Variants in KIF1B observed in about 807,000 individuals in gnomAD.
The protein encoded by KIF1B is kinesin-like protein KIF1B.
In KIF1B, 76 loss-of-function variants were observed where a neutral mutation model predicts 241.9. The observed-to-expected ratio is 0.31, with a 90% CI of 0.26 to 0.38. The LOEUF (loss-of-function observed/expected upper bound fraction) is 0.38, where lower values mean the gene tolerates loss of function less well. Ranked by LOEUF, KIF1B falls within the 10% of genes least tolerant of loss-of-function variation. The pLI, the probability that KIF1B is intolerant of heterozygous loss-of-function variation, is 1.00. For synonymous variants in KIF1B, 750 were observed against 796.7 expected, an observed-to-expected ratio of 0.94 and a Z score of 0.99; for missense variants, 1,622 against 2,271.4, an observed-to-expected ratio of 0.71 and a Z score of 5.81.
At chr1:10,333,652 A>C (rs978300463) in intron 27 of KIF1B, among the ~76,000 whole-genome samples, 1 of 151,998 alleles carries the variant, frequency 6.6e-6, no homozygotes, top group African/African-American at 2.4e-5. Flanking sequence ...AGACTGCACC[A>C]CTGCATTCCA....
At chr1:10,240,569 G>A (rs1386860683) in intron 2 of KIF1B, among the ~76,000 whole-genome samples, 2 of 152,142 alleles carry the variant, frequency 1.3e-5, no homozygotes, top group Non-Finnish European at 2.9e-5. Flanking sequence ...TCAGAGTGCA[G>A]AAAGGGGATT....
chr1:10,258,452 A>G (rs745480676), intron 3 of KIF1B, 41 bp from the exon 4 acceptor site: 2 of 1,590,896 alleles, frequency 1.3e-6, no homozygotes, highest in South Asian at 1.1e-5. Flanking sequence ...AGGAAGAAAT[A>G]TTAATAAAAG....
At chr1:10,259,513 T>G (rs1045018571) in intron 4 of KIF1B, among the ~76,000 whole-genome samples, 1 of 150,384 alleles carries the variant, frequency 6.6e-6, no homozygotes, top group Non-Finnish European at 1.5e-5. Context: ...AAATTTTTTT[T>G]TTTTTTTGAG....
chr1:10,312,096 TG>T (rs1171170594), intron 22 of KIF1B, among the ~76,000 whole-genome samples: 1 of 148,448 alleles, frequency 6.7e-6, no homozygotes, highest in African/African-American at 2.5e-5. Context: ...CTCTCCAGCC[TG>T]GGCCCCTACC....
chr1:10,320,017 A>G (rs1034588285), intron 22 of KIF1B, 26 bp from the exon 23 acceptor site: 38 of 1,499,496 alleles, frequency 2.5e-5, no homozygotes, highest in Non-Finnish European at 3.5e-5. Context: ...CCTCTCCTAC[A>G]TGTTATCTCC....
At chr1:10,279,209 A>G in intron 14 of KIF1B, 71 bp downstream of exon 14, 1 of 1,031,738 alleles carries the variant, frequency 9.7e-7, no homozygotes, top group Non-Finnish European at 1.5e-6. Flanking sequence ...ATCAGCCTTA[A>G]AATAAGCTTT....
intron 37 of KIF1B, among the ~76,000 whole-genome samples, chr1:10,349,104 A>C (rs1356852901): frequency 2.6e-5 from 4 of 152,146 alleles, no homozygotes; most frequent in Non-Finnish European, 2.9e-5. Flanking sequence ...CTCAGTTACC[A>C]GGGAATGGTT....
intron 2 of KIF1B, among the ~76,000 whole-genome samples, chr1:10,232,791 A>G (rs1353567649): frequency 1.3e-5 from 2 of 152,324 alleles, no homozygotes; most frequent in East Asian, 1.9e-4. Flanking sequence ...TTTTCTTTCT[A>G]GATTTTAAAT....
chr1:10,361,182 A>G, intron 39 of KIF1B, 139 bp downstream of exon 39: 1 of 712,842 alleles, frequency 1.4e-6, no homozygotes, highest in African/African-American at 1.7e-5. Context: ...TCATTTTATT[A>G]TACATTGCTA....
chr1:10,273,784 A>G (rs898876308), intron 10 of KIF1B, among the ~76,000 whole-genome samples: 1 of 148,696 alleles, frequency 6.7e-6, no homozygotes, highest in South Asian at 2.2e-4. Flanking sequence ...CCAGCCATGT[A>G]GTACCCTTTT....
chr1:10,219,853 C>T (rs61775875), intron 1 of KIF1B, among the ~76,000 whole-genome samples: 38 of 152,086 alleles, frequency 2.5e-4, no homozygotes, highest in African/African-American at 6.7e-4. Context: ...GGATTGCTTG[C>T]GCCCAATAGT....
At chr1:10,290,094 C>G (rs1048296870) in intron 15 of KIF1B, among the ~76,000 whole-genome samples, 3 of 151,902 alleles carry the variant, frequency 2.0e-5, no homozygotes, top group Non-Finnish European at 1.5e-5. Context: ...ATACAGTAAC[C>G]TCCTTGAGAG....
intron 2 of KIF1B, among the ~76,000 whole-genome samples, chr1:10,233,574 A>G (rs1479108315): frequency 2.0e-5 from 3 of 152,182 alleles, no homozygotes; most frequent in Non-Finnish European, 2.9e-5. Context: ...TCACTCTTCT[A>G]TGTCAACATT....
At chr1:10,367,576 C>T (rs1638611010) in intron 43 of KIF1B, among the ~76,000 whole-genome samples, 1 of 150,388 alleles carries the variant, frequency 6.6e-6, no homozygotes, top group African/African-American at 2.4e-5. Flanking sequence ...GCTCTGTGGC[C>T]CACGCTGGAG....
chr1:10,317,699 C>T (rs867793894), intron 22 of KIF1B, among the ~76,000 whole-genome samples: 2 of 151,008 alleles, frequency 1.3e-5, no homozygotes, highest in Non-Finnish European at 2.9e-5. Flanking sequence ...GGCACGGTGG[C>T]GTGCACCTGT....
intron 7 of KIF1B, among the ~76,000 whole-genome samples, chr1:10,269,098 T>C (rs1648637073): frequency 6.6e-6 from 1 of 152,210 alleles, no homozygotes; most frequent in African/African-American, 2.4e-5. Context: ...AGGTTTATTG[T>C]ACTGGCAATT....
chr1:10,310,997 G>T (rs1176963398), intron 22 of KIF1B, among the ~76,000 whole-genome samples: 1 of 151,356 alleles, frequency 6.6e-6, no homozygotes. Context: ...CCTGTACTGG[G>T]CTTTCCCTCC....
intron 2 of KIF1B, among the ~76,000 whole-genome samples, chr1:10,253,645 G>A (rs72865926): frequency 0.072 from 10,796 of 150,610 alleles, 452 homozygotes; most frequent in Middle Eastern, 0.13. Flanking sequence ...CCTGTCTCAG[G>A]AAAAAAAAAG....
intron 2 of KIF1B, among the ~76,000 whole-genome samples, chr1:10,233,588 A>T (rs889241159): frequency 6.6e-6 from 1 of 152,200 alleles, no homozygotes; most frequent in Admixed American, 6.5e-5. Flanking sequence ...CAACATTGCC[A>T]ACAGTTCTGT....
Sources: gnomAD v4.1 joint callset for allele counts (sites outside exome capture counted in the v4.1 genomes callset) on GRCh38, gnomAD v4.1.1 for gene constraint, MANE v1.5 for transcripts, NCBI Gene and HGNC (gene_info 2026-07-23, HGNC 2026-07-21) for gene names.